Variants in CDH10 observed in about 807,000 individuals in gnomAD.
CDH10 encodes the protein cadherin 10.
CDH10 carries 30 observed loss-of-function variants against 73.1 expected under a neutral mutation model. That is an observed-to-expected ratio of 0.41 (90% CI 0.31 to 0.56). The LOEUF is 0.56. Among genes scored for constraint, CDH10 ranks in the 20% least tolerant of loss-of-function variants. The probability of loss-of-function intolerance (pLI) is 0.27; values close to 1 mark genes in which losing one functional copy is unlikely to be tolerated. For missense variants in CDH10, 815 were observed against 973.7 expected, an observed-to-expected ratio of 0.84 and a Z score of 2.17; for synonymous variants, 345 against 348.2, an observed-to-expected ratio of 0.99 and a Z score of 0.10.
In CDH10 at chr5:24,565,126, T is replaced by C. The variant is rs1745122899; in HGVS notation, c.232-27452A>G. 1.3e-5 allele frequency among the ~76,000 whole-genome samples: 2 copies of C among 152,014 alleles called. 1 individual carries two copies. The highest frequency in any genetic ancestry group is 4.1e-4 in the South Asian group (2 of 4,822). ...ATAGGGTCCTTTTCAACCTAGAAAG[T>C]GGATGTATAGGTTAATCTTCAATAG... On this transcript the variant is annotated intron_variant, in intron 2 of 11. Coordinates refer to ENST00000264463, the MANE Select transcript of CDH10 (RefSeq NM_006727.5).
At chr5:24,634,035 T>C (rs1274508503) in intron 1 of CDH10, among the ~76,000 whole-genome samples, 4 of 151,846 alleles carry the variant, frequency 2.6e-5, no homozygotes, top group African/African-American at 7.2e-5. Context: ...AAAACGTAAA[T>C]TCATCTCAAC....
At chr5:24,594,917 T>C (rs922438905) in intron 1 of CDH10, among the ~76,000 whole-genome samples, 1 of 152,116 alleles carries the variant, frequency 6.6e-6, no homozygotes, top group South Asian at 2.1e-4. Context: ...CTATAATAGA[T>C]GTTCAATAAA....
chr5:24,573,027 G>T (rs1745452105), intron 2 of CDH10, among the ~76,000 whole-genome samples: 1 of 147,568 alleles, frequency 6.8e-6, no homozygotes, highest in African/African-American at 2.5e-5. Context: ...AGAAAATAAT[G>T]ATAAAACAAA....
intron 7 of CDH10, 116 bp downstream of exon 7, chr5:24,509,450 A>G: frequency 1.2e-6 from 1 of 801,338 alleles, no homozygotes; most frequent in Non-Finnish European, 2.0e-6. Flanking sequence ...CATGTTGGCC[A>G]GGCTGGTCTC....
intron 5 of CDH10, among the ~76,000 whole-genome samples, 170 bp from the exon 6 acceptor site, chr5:24,511,684 C>T (rs1053351052): frequency 2.6e-5 from 4 of 151,998 alleles, no homozygotes; most frequent in Admixed American, 2.0e-4. Flanking sequence ...GATGAATACA[C>T]ATAACATGGA....
intron 1 of CDH10, among the ~76,000 whole-genome samples, chr5:24,643,976 A>G (rs1056864707): frequency 1.4e-4 from 21 of 152,006 alleles, no homozygotes; most frequent in Non-Finnish European, 1.6e-4. Context: ...TCCCCCCAAT[A>G]CTTCTGACTC....
At chr5:24,493,407 G>C (rs1050349879) in intron 9 of CDH10, among the ~76,000 whole-genome samples, 1 of 151,764 alleles carries the variant, frequency 6.6e-6, no homozygotes, top group South Asian at 2.1e-4. Flanking sequence ...GAGAGTAAAA[G>C]TTCAATTAAC....
At chr5:24,606,176 C>T in intron 1 of CDH10, among the ~76,000 whole-genome samples, 1 of 152,106 alleles carries the variant, frequency 6.6e-6, no homozygotes, top group Non-Finnish European at 1.5e-5. Context: ...TAGAACTTTA[C>T]CCTAGAAAGG....
chr5:24,614,026 T>A (rs1747047282), intron 1 of CDH10, among the ~76,000 whole-genome samples: 1 of 152,094 alleles, frequency 6.6e-6, no homozygotes, highest in East Asian at 1.9e-4. Context: ...AAAATGTGCA[T>A]TCCGGAACAG....
chr5:24,635,512 G>A (rs1413785764), intron 1 of CDH10, among the ~76,000 whole-genome samples: 1 of 151,624 alleles, frequency 6.6e-6, no homozygotes, highest in East Asian at 1.9e-4. Context: ...ATGCCTCTCT[G>A]AGAATGCAAT....
chr5:24,630,832 T>C (rs1747679965), intron 1 of CDH10, among the ~76,000 whole-genome samples: 1 of 152,056 alleles, frequency 6.6e-6, no homozygotes, highest in Non-Finnish European at 1.5e-5. Flanking sequence ...TAGTAAGCAG[T>C]AATACATGCT....
chr5:24,496,412 G>C (rs1579717262), intron 9 of CDH10, among the ~76,000 whole-genome samples: 1 of 152,154 alleles, frequency 6.6e-6, no homozygotes, highest in African/African-American at 2.4e-5. Context: ...GACTCTCTCT[G>C]AGATGGAAAA....
chr5:24,564,071 T>C (rs191617757), intron 2 of CDH10, among the ~76,000 whole-genome samples: 2 of 152,266 alleles, frequency 1.3e-5, no homozygotes, highest in Admixed American at 1.3e-4. Flanking sequence ...ATCATCTATA[T>C]CTCAAAAGAT....
At position 24,488,162 on chromosome 5, in the gene CDH10, A is replaced by C; in HGVS notation, c.1877-9T>G. The C allele has an allele frequency of 6.3e-7, 1 of 1,589,180 alleles. No individual in the cohort carries two copies. Among genetic ancestry groups the C allele is most frequent in the Non-Finnish European group, 8.5e-7 (1 of 1,170,446 alleles). ...AAACAGTACTACTATAACTTGAAAA[A>C]AGACAAGAAGATACATTAGACGTCC... is the stretch of plus-strand genomic sequence containing the variant. On this transcript the variant is annotated splice_polypyrimidine_tract_variant and intron_variant, in intron 11 of 11. Transcript: ENST00000264463.
At chr5:24,605,576 C>A (rs916130561) in intron 1 of CDH10, among the ~76,000 whole-genome samples, 4 of 152,166 alleles carry the variant, frequency 2.6e-5, no homozygotes, top group African/African-American at 9.7e-5. Context: ...GGTTGGAGAC[C>A]ACTGATATAG....
At chr5:24,495,259 A>G in intron 9 of CDH10, among the ~76,000 whole-genome samples, 1 of 152,212 alleles carries the variant, frequency 6.6e-6, no homozygotes, top group Non-Finnish European at 1.5e-5. Context: ...AACAAAAACT[A>G]GTGATTTCCA....
chr5:24,581,391 C>T (rs80013600), intron 2 of CDH10, among the ~76,000 whole-genome samples: 7,049 of 152,278 alleles, frequency 0.046, 273 homozygotes, highest in African/African-American at 0.094. Context: ...GCATTGATCA[C>T]CATGACCTGT....
intron 2 of CDH10, among the ~76,000 whole-genome samples, chr5:24,551,854 T>A (rs1744558202): frequency 6.6e-6 from 1 of 152,158 alleles, no homozygotes; most frequent in Admixed American, 6.5e-5. Flanking sequence ...GCTTTACAAC[T>A]ATTACTGATA....
At chr5:24,552,573 AT>A (rs1744585558) in intron 2 of CDH10, among the ~76,000 whole-genome samples, 1 of 151,866 alleles carries the variant, frequency 6.6e-6, no homozygotes, top group Non-Finnish European at 1.5e-5. Flanking sequence ...CCATTCATTA[AT>A]TTCGAACTTT....
Sources: allele counts gnomAD v4.1 joint callset (sites outside exome capture counted in the v4.1 genomes callset), GRCh38; gene constraint gnomAD v4.1.1; transcripts MANE v1.5; gene names NCBI Gene and HGNC (gene_info 2026-07-23, HGNC 2026-07-21).